Variants in IDH3A observed in about 807,000 individuals in gnomAD.
The protein encoded by IDH3A is isocitrate dehydrogenase (NAD(+)) 3 catalytic subunit alpha, also known as isocitrate dehydrogenase [NAD] subunit alpha, mitochondrial.
In IDH3A, 23 loss-of-function variants were observed where a neutral mutation model predicts 43.3. The observed-to-expected ratio is 0.53, with a 90% CI of 0.38 to 0.75. The LOEUF (loss-of-function observed/expected upper bound fraction) is 0.75, where lower values mean the gene tolerates loss of function less well. Among genes scored for constraint, IDH3A ranks in the 30% least tolerant of loss-of-function variants. IDH3A has a pLI of 0.00. For missense variants in IDH3A, 329 were observed against 474.4 expected, an observed-to-expected ratio of 0.69 and a Z score of 2.85; for synonymous variants, 154 against 163.5, an observed-to-expected ratio of 0.94 and a Z score of 0.44.
chr15:78,162,126 G>A (rs2074686774), intron 5 of IDH3A, 108 bp from the exon 6 acceptor site: 1 of 1,113,886 alleles, frequency 9.0e-7, no homozygotes, highest in Non-Finnish European at 1.3e-6. Context: ...CATGCTAGCT[G>A]GCACTGTGCA....
At chr15:78,162,156 T>G in intron 5 of IDH3A, 78 bp from the exon 6 acceptor site, 1 of 1,505,376 alleles carries the variant, frequency 6.6e-7, no homozygotes, top group South Asian at 1.1e-5. Context: ...CAAATGTTAC[T>G]GTCTACTCCC....
chr15:78,164,286 C>CTT (rs2074714068), intron 8 of IDH3A, among the ~76,000 whole-genome samples: 1 of 149,160 alleles, frequency 6.7e-6, no homozygotes, highest in Non-Finnish European at 1.5e-5. Flanking sequence ...TTTGTCTGTG[C>CTT]TTCTCTCTCT....
Position 78,166,237 on chromosome 15 carries a change from A to G in IDH3A, c.952A>G (p.Met318Val), listed in dbSNP as rs763862307. 8.1e-6 allele frequency: 13 copies of G among 1,614,108 alleles called. No homozygotes were observed. Among genetic ancestry groups the G allele is most frequent in the East Asian group, 2.2e-5 (1 of 44,874 alleles). The part of the protein sequence containing the change: ...LLSAVMMLRH[M>V]GLFDHAARIE... ...CAGTGCCGTGATGATGCTGCGCCAC[A>G]TGGGACTTTTTGACCATGCTGCAAG... The change falls in exon 10 of 11, where the codon ATG becomes GTG. Residue 318 changes from methionine to valine, a missense_variant. This residue lies in a region of IDH3A where 91 missense variants were observed against 111.6 expected (regional missense o/e 0.82). Transcript: ENST00000299518.
intron 8 of IDH3A, 22 bp downstream of exon 8, chr15:78,163,802 T>C: frequency 6.6e-7 from 1 of 1,519,182 alleles, no homozygotes; most frequent in Non-Finnish European, 9.1e-7. Flanking sequence ...TGCAACCTAT[T>C]TATTTTAGCC....
chr15:78,164,754 A>G (rs2074720894), intron 8 of IDH3A, among the ~76,000 whole-genome samples: 1 of 152,140 alleles, frequency 6.6e-6, no homozygotes. Flanking sequence ...TCCCTTCACC[A>G]TGTCTTCTGT....
chr15:78,160,255 G>T (rs2074668012), intron 4 of IDH3A, 49 bp downstream of exon 4: 3 of 1,111,226 alleles, frequency 2.7e-6, no homozygotes, highest in South Asian at 1.3e-5. Context: ...CGCTACAGGG[G>T]TTACTTAGTT....
intron 6 of IDH3A, 135 bp downstream of exon 6, chr15:78,162,502 A>G: frequency 1.2e-6 from 1 of 853,556 alleles, no homozygotes; most frequent in South Asian, 1.8e-5. Flanking sequence ...CAATCCAAAG[A>G]TACGGCATCT....
intron 1 of IDH3A, among the ~76,000 whole-genome samples, chr15:78,150,189 A>G (rs904175899): frequency 2.0e-5 from 3 of 152,210 alleles, no homozygotes; most frequent in East Asian, 1.9e-4. Context: ...AGAGCTGGAA[A>G]GGGTTTCAGA....
intron 1 of IDH3A, among the ~76,000 whole-genome samples, chr15:78,153,306 C>T (rs1206142742): frequency 6.6e-6 from 1 of 152,146 alleles, no homozygotes; most frequent in Non-Finnish European, 1.5e-5. Context: ...TGTTGCACAG[C>T]CTGGTTGGTT....
chr15:78,167,927 T>G (rs1305445813), intron 10 of IDH3A: 2 of 152,264 alleles, frequency 1.3e-5, no homozygotes, highest in Non-Finnish European at 2.9e-5. Flanking sequence ...TATGATTTTC[T>G]TATTCTTTAA....
chr15:78,158,863 G>A (rs1014352854), intron 3 of IDH3A, among the ~76,000 whole-genome samples: 5 of 151,122 alleles, frequency 3.3e-5, no homozygotes, highest in African/African-American at 7.3e-5. Context: ...ACATTGTTTC[G>A]CTCTTGTTGC....
chr15:78,169,209 G>T lies in IDH3A; in HGVS notation c.*204G>T. On this transcript the variant is annotated 3_prime_UTR_variant, in exon 11 of 11. Coordinates refer to ENST00000299518, the MANE Select transcript of IDH3A (RefSeq NM_005530.3). Reference sequence around the variant, plus strand: ...TTCAAAGAACTTTTTCCAAGTGCTTGTTTTATTTATTAAGTGTCTACCTGG... The same window carrying T: ...TTCAAAGAACTTTTTCCAAGTGCTTTTTTTATTTATTAAGTGTCTACCTGG... 2 of 381,176 alleles carry T rather than the reference G, an allele frequency of 5.2e-6. No homozygotes were observed. Among genetic ancestry groups the T allele is most frequent in the South Asian group, 1.7e-4 (2 of 11,640 alleles). The allele number at this position is 381,176 out of a possible 1,614,324, so 23.6% of individuals were successfully genotyped here.
chr15:78,162,381 G>T lies in IDH3A; in HGVS notation c.611+14G>T. The T allele has an allele frequency of 6.2e-7, 1 of 1,612,326 alleles. No individual in the cohort carries two copies. Among genetic ancestry groups the T allele is most frequent in the Non-Finnish European group, 8.5e-7 (1 of 1,178,922 alleles). The stretch of plus-strand genomic sequence containing the variant: ...AGCCAACATCATGTGAGCTCCTTGC[G>T]GGGGCCGGCACCCCATCTTGCTTTG... On this transcript the variant is annotated intron_variant, in intron 6 of 10. Coordinates refer to ENST00000299518, the MANE Select transcript of IDH3A (RefSeq NM_005530.3).
At chr15:78,152,233 A>T (rs2141938582) in intron 1 of IDH3A, among the ~76,000 whole-genome samples, 1 of 148,172 alleles carries the variant, frequency 6.7e-6, no homozygotes, top group Non-Finnish European at 1.5e-5. Flanking sequence ...TGATTTTTGT[A>T]TTTTTATTAG....
In IDH3A at chr15:78,161,593, C is replaced by T; in HGVS notation, c.302C>T (p.Thr101Ile). ...NKMGLKGPLK[T>I]PIAAGHPSMN... ...TTCTGTATAACAGGCCCTTTGAAGA[C>T]CCCAATAGCAGCCGGTCACCCATCT... Residue 101 changes from threonine to isoleucine, a missense_variant, in exon 5 of 11, where the codon ACC becomes ATC. Thr to Ile is a moderately conservative substitution (Grantham distance 89). This residue lies in a region of IDH3A where 212 missense variants were observed against 345.5 expected (regional missense o/e 0.61). Transcript: ENST00000299518. The surrounding 1 kb of genome is among the most constrained non-coding windows in gnomAD (Gnocchi z 4.8). 1 of 1,613,342 alleles carries T rather than the reference C, an allele frequency of 6.2e-7. No individual in the cohort carries two copies. Among genetic ancestry groups the T allele is most frequent in the Non-Finnish European group, 8.5e-7 (1 of 1,179,952 alleles).
At chr15:78,163,332 A>C in intron 6 of IDH3A, 175 bp from the exon 7 acceptor site, 1 of 561,736 alleles carries the variant, frequency 1.8e-6, no homozygotes, top group Admixed American at 3.4e-5. Context: ...GAAGGATCCT[A>C]AAACATTTTC....
intron 3 of IDH3A, among the ~76,000 whole-genome samples, chr15:78,159,676 T>G (rs138380884): frequency 2.6e-5 from 4 of 152,304 alleles, no homozygotes; most frequent in Admixed American, 1.3e-4. Flanking sequence ...GGACCTTTAC[T>G]GTTTTTAGCA....
In IDH3A at chr15:78,171,246, C is replaced by T. The variant is rs1376625701; in HGVS notation, c.*2241C>T. On this transcript the variant is annotated 3_prime_UTR_variant, in exon 11 of 11. Coordinates refer to ENST00000299518, the MANE Select transcript of IDH3A (RefSeq NM_005530.3). ...ATACTTAAACTGAATTAAAACTACCCACACGTGAAGCTTCTTGGAATTGTC... is the reference window on the plus strand; with the variant it reads ...ATACTTAAACTGAATTAAAACTACCTACACGTGAAGCTTCTTGGAATTGTC... The T allele has an allele frequency of 4.1e-6, 2 of 487,818 alleles. No individual in the cohort carries two copies. Among genetic ancestry groups the T allele is most frequent in the African/African-American group, 3.9e-5 (2 of 51,710 alleles). 30.2% of individuals were successfully genotyped at this position (487,818 alleles called of 1,614,324 possible).
intron 1 of IDH3A, among the ~76,000 whole-genome samples, chr15:78,149,818 C>A (rs982792777): frequency 3.3e-5 from 5 of 152,264 alleles, no homozygotes; most frequent in Non-Finnish European, 7.3e-5. Flanking sequence ...TCCCCGGCTG[C>A]GGCCCTGCTG....
Sources: gnomAD v4.1 joint callset for allele counts (sites outside exome capture counted in the v4.1 genomes callset) on GRCh38, gnomAD v4.1.1 for gene constraint, gnomAD v4.1.1 regional missense constraint, Gnocchi (gnomAD v3.1) non-coding constraint, MANE v1.5 for transcripts, NCBI Gene and HGNC (gene_info 2026-07-23, HGNC 2026-07-21) for gene names.